The following STPG2 variants were observed in gnomAD, a reference collection of about 807,000 sequenced individuals.
STPG2 encodes sperm-tail PG-rich repeat-containing protein 2.
In STPG2, 56 loss-of-function variants were observed where a neutral mutation model predicts 54.2. That is an observed-to-expected ratio of 1.03 (90% CI 0.83 to 1.29). STPG2 has a LOEUF of 1.29. STPG2 is among the 50% of genes most tolerant of loss of function. STPG2 has a pLI of 0.00. For missense variants in STPG2, 596 were observed against 544.9 expected, an observed-to-expected ratio of 1.09 and a Z score of -0.93; for synonymous variants, 200 against 181.8, an observed-to-expected ratio of 1.10 and a Z score of -0.81.
At chr4:97,631,518 T>G (rs984879083) in intron 10 of STPG2, among the ~76,000 whole-genome samples, 1 of 152,128 alleles carries the variant, frequency 6.6e-6, no homozygotes, top group African/African-American at 2.4e-5. Flanking sequence ...TTTCAAGATC[T>G]CTGTAGTTTT....
At chr4:97,915,614 G>A (rs1254250794) in intron 8 of STPG2, among the ~76,000 whole-genome samples, 1 of 152,036 alleles carries the variant, frequency 6.6e-6, no homozygotes, top group African/African-American at 2.4e-5. Context: ...GGTCTTAGAG[G>A]TCAGGAAGGC....
At position 97,944,010 on chromosome 4, in the gene STPG2, G is replaced by C; in HGVS notation, c.934-3C>G. 1 of 1,591,566 alleles carries C rather than the reference G, an allele frequency of 6.3e-7. No homozygotes were observed. Among genetic ancestry groups the C allele is most frequent in the Non-Finnish European group, 8.6e-7 (1 of 1,162,040 alleles). The stretch of plus-strand genomic sequence containing the variant: ...ACACCCTGTGAATGCCAAAATTCCT[G>C]TTGAAAGAAGGGGTTAAAAAGAGTA... On this transcript the variant is annotated splice_polypyrimidine_tract_variant and splice_region_variant and intron_variant, in intron 7 of 10. Transcript: ENST00000295268.
chr4:97,818,719 C>T (rs919714581), intron 9 of STPG2, among the ~76,000 whole-genome samples: 3 of 151,852 alleles, frequency 2.0e-5, no homozygotes, highest in Non-Finnish European at 4.4e-5. Context: ...CTCCTCCCCA[C>T]TCCACCCTGC....
chr4:97,467,742 C>T (rs1054080126), intron 4 of STPG2, among the ~76,000 whole-genome samples: 1 of 151,206 alleles, frequency 6.6e-6, no homozygotes, highest in African/African-American at 2.4e-5. Flanking sequence ...TAGGCTAATG[C>T]AAAATAATTA....
intron 10 of STPG2, among the ~76,000 whole-genome samples, chr4:97,706,934 C>G (rs565030519): frequency 6.6e-6 from 1 of 151,918 alleles, no homozygotes; most frequent in African/African-American, 2.4e-5. Flanking sequence ...AAAAATGAGG[C>G]TGAGAGATAT....
chr4:97,483,755 A>G (rs1264039660), intron 4 of STPG2, among the ~76,000 whole-genome samples: 1 of 151,886 alleles, frequency 6.6e-6, no homozygotes, highest in East Asian at 1.9e-4. Context: ...TTTCCATCCA[A>G]TAACTGCAGA....
intron 8 of STPG2, among the ~76,000 whole-genome samples, chr4:97,922,528 GTTGT>G (rs1323900466): frequency 1.3e-5 from 2 of 152,162 alleles, no homozygotes; most frequent in African/African-American, 2.4e-5. Context: ...AAGAAAAAAA[GTTGT>G]TTGTAGTGCT....
chr4:97,461,012 T>C (rs1034736868), intron 4 of STPG2, among the ~76,000 whole-genome samples: 3 of 152,230 alleles, frequency 2.0e-5, no homozygotes, highest in African/African-American at 7.2e-5. Context: ...ATCCACTCTA[T>C]TTCTGATGGC....
chr4:97,601,837 T>C (rs1391250369), intron 10 of STPG2, among the ~76,000 whole-genome samples: 1 of 151,902 alleles, frequency 6.6e-6, no homozygotes, highest in Non-Finnish European at 1.5e-5. Flanking sequence ...GTCAAGTTCC[T>C]CAAGAAATCC....
At chr4:97,776,511 A>G (rs1050353238) in intron 9 of STPG2, among the ~76,000 whole-genome samples, 1 of 152,194 alleles carries the variant, frequency 6.6e-6, no homozygotes, top group Non-Finnish European at 1.5e-5. Flanking sequence ...TAACCTCAGG[A>G]ACTATAAAGA....
At chr4:97,880,377 T>G (rs572267455) in intron 8 of STPG2, among the ~76,000 whole-genome samples, 1 of 152,154 alleles carries the variant, frequency 6.6e-6, no homozygotes, top group Non-Finnish European at 1.5e-5. Flanking sequence ...ACAGAGCAAG[T>G]ATGCCCAAAT....
chr4:97,669,899 A>T (rs887250398), intron 10 of STPG2, among the ~76,000 whole-genome samples: 2 of 152,174 alleles, frequency 1.3e-5, no homozygotes, highest in African/African-American at 4.8e-5. Context: ...GTTACAGTAA[A>T]GCAACTCTGC....
chr4:98,033,114 AAC>A (rs145295939), intron 5 of STPG2, among the ~76,000 whole-genome samples: 15 of 64,936 alleles, frequency 2.3e-4, no homozygotes, highest in African/African-American at 7.6e-4. Flanking sequence ...AGAAGATAGA[AAC>A]ACACACACAC....
chr4:97,465,966 T>C (rs1461649544), intron 4 of STPG2, among the ~76,000 whole-genome samples: 1 of 152,102 alleles, frequency 6.6e-6, no homozygotes, highest in East Asian at 1.9e-4. Context: ...TTTTTGGTTG[T>C]CGTTGTTGTT....
At chr4:98,088,217 A>C (rs1319355319) in intron 5 of STPG2, among the ~76,000 whole-genome samples, 1 of 152,214 alleles carries the variant, frequency 6.6e-6, no homozygotes, top group African/African-American at 2.4e-5. Flanking sequence ...GAAGTTGGGG[A>C]GGTAATTAGG....
intron 10 of STPG2, among the ~76,000 whole-genome samples, chr4:97,692,463 G>A (rs1427030525): frequency 1.3e-5 from 2 of 151,994 alleles, no homozygotes; most frequent in African/African-American, 4.8e-5. Context: ...TCAAAGACAA[G>A]GCTTTCAAAT....
At chr4:97,477,352 C>T (rs556113221) in intron 4 of STPG2, among the ~76,000 whole-genome samples, 3 of 152,088 alleles carry the variant, frequency 2.0e-5, no homozygotes, top group Non-Finnish European at 4.4e-5. Flanking sequence ...TGAGTGGATG[C>T]CATTAGTTCT....
intron 8 of STPG2, among the ~76,000 whole-genome samples, chr4:97,846,934 T>C (rs1244224393): frequency 6.6e-6 from 1 of 152,234 alleles, no homozygotes; most frequent in Non-Finnish European, 1.5e-5. Context: ...TAGTTAAGTA[T>C]ATTCTAGTCT....
At chr4:97,700,824 C>CT (rs1578491102) in intron 10 of STPG2, among the ~76,000 whole-genome samples, 1 of 152,142 alleles carries the variant, frequency 6.6e-6, no homozygotes, top group African/African-American at 2.4e-5. Context: ...TGGACAGGGC[C>CT]TTATGCAGCT....
Sources: allele counts gnomAD v4.1 joint callset (sites outside exome capture counted in the v4.1 genomes callset), GRCh38; gene constraint gnomAD v4.1.1; transcripts MANE v1.5; gene names NCBI Gene and HGNC (gene_info 2026-07-23, HGNC 2026-07-21).